The following LRRC15 variants were observed in gnomAD, a reference collection of about 807,000 sequenced individuals.
LRRC15 encodes the protein leucine-rich repeat-containing protein 15.
LRRC15 carries 5 observed loss-of-function variants against 4.3 expected under a neutral mutation model. That is an observed-to-expected ratio of 1.16 (90% CI 0.61 to 2.44). The LOEUF is 2.44. Among genes scored for constraint, LRRC15 ranks in the 30% most tolerant of loss-of-function variants. LRRC15 has a pLI of 0.01. For synonymous variants in LRRC15, 337 were observed against 323.2 expected, an observed-to-expected ratio of 1.04 and a Z score of -0.46; for missense variants, 769 against 747.0, an observed-to-expected ratio of 1.03 and a Z score of -0.34.
In LRRC15 at chr3:194,359,623, G is replaced by C. The variant is rs768312928; in HGVS notation, c.1421C>G (p.Pro474Arg). ...AGGCACCTCGGGGACATGGACGCTT[G>C]GAACAGCAACGTTGACATTGATGAT... The part of the protein sequence containing the change: ...LIIINVNVAV[P>R]SVHVPEVPSY... Residue 474 changes from proline to arginine, a missense_variant, in exon 2 of 2, where the codon CCA (proline) becomes CGA (arginine). Transcript: ENST00000347624. The C allele has an allele frequency of 3.1e-6, 5 of 1,613,788 alleles. No individual in the cohort carries two copies. In the African/African-American group the frequency reaches 6.7e-5, roughly 22 times the overall value.
At position 194,355,847 on chromosome 3, in the gene LRRC15, A is replaced by G. The variant is rs1379701525; in HGVS notation, c.*3451T>C. On this transcript the variant is annotated 3_prime_UTR_variant, in exon 2 of 2. Coordinates refer to ENST00000347624, the MANE Select transcript of LRRC15 (RefSeq NM_130830.5). The stretch of plus-strand genomic sequence containing the variant: ...TTCTAAGTAGAACTCTTGTATCTCT[A>G]AATTCTAAGGAGGAAGAACAATATA... 1 of 152,224 alleles carries G rather than the reference A, an allele frequency of 6.6e-6. No individual in the cohort carries two copies. Among genetic ancestry groups the G allele is most frequent in the Admixed American group, 6.5e-5 (1 of 15,284 alleles). The allele number at this position is 152,224 out of a possible 1,614,324, so 9.4% of individuals were successfully genotyped here.
At position 194,355,352 on chromosome 3, in the gene LRRC15, A is replaced by AGGC. The variant is rs1442982847; in HGVS notation, c.*3945_*3946insGCC. 3.9e-5 allele frequency: 6 copies of AGGC among 152,232 alleles called. No homozygotes were observed. In the South Asian group the frequency reaches 6.2e-4, roughly 16 times the overall value. The allele number at this position is 152,232 out of a possible 1,614,324, so 9.4% of individuals were successfully genotyped here. A position where few individuals can be genotyped will look rare whatever the true frequency, so the allele number is the denominator to read the frequency against. On this transcript the variant is annotated 3_prime_UTR_variant, in exon 2 of 2. Transcript: ENST00000347624. Reference sequence around the variant, plus strand: ...CCCTGCCCACCAGGGCTCACACTCTACAAAACCCTGAGGGCCTAGAAATCT... The same window carrying AGGC: ...CCCTGCCCACCAGGGCTCACACTCTAGGCCAAAACCCTGAGGGCCTAGAAATCT...
rs979990678 is a variant in LRRC15 at position 194,355,935 on chromosome 3, AT to A, written c.*3362del. ...TATTCTTTAAGGGATGGAAGAGTTTATTTTTTCCTGTGGTTACAAAGCTTTT... is the reference window on the plus strand; with the variant it reads ...TATTCTTTAAGGGATGGAAGAGTTTATTTTTCCTGTGGTTACAAAGCTTTT... On this transcript the variant is annotated 3_prime_UTR_variant, in exon 2 of 2. Coordinates refer to ENST00000347624, the MANE Select transcript of LRRC15 (RefSeq NM_130830.5). 6.6e-6 allele frequency: 1 copy of A among 152,194 alleles called. No individual in the cohort carries two copies. The highest frequency in any genetic ancestry group is 2.4e-5 in the African/African-American group (1 of 41,438). 9.4% of individuals were successfully genotyped at this position (152,194 alleles called of 1,614,324 possible).
In LRRC15 at chr3:194,360,424, T is replaced by TA. The variant is rs1312301206; in HGVS notation, c.619_620insT (p.Asn207IlefsTer12). 8 of 1,614,174 alleles carry TA rather than the reference T, an allele frequency of 5.0e-6. No individual in the cohort carries two copies. Among genetic ancestry groups the TA allele is most frequent in the Non-Finnish European group, 5.1e-6 (6 of 1,180,028 alleles). ...GCCCATGGGGATATCCGTGAGCCTGTTCTCATACAGCCGGAGGACCTGGAG... is the reference window on the plus strand; with the variant it reads ...GCCCATGGGGATATCCGTGAGCCTGTATCTCATACAGCCGGAGGACCTGGAG... On this transcript the variant is annotated frameshift_variant, in exon 2 of 2. Transcript: ENST00000347624. LOFTEE classifies it low-confidence loss of function (END_TRUNC).
At chr3:194,363,216 G>A (rs865938514) in intron 1 of LRRC15, 2 of 476,964 alleles carry the variant, frequency 4.2e-6, no homozygotes, top group Non-Finnish European at 7.8e-6. Flanking sequence ...TGGGATTACA[G>A]GCATGAGCCA....
intron 1 of LRRC15, among the ~76,000 whole-genome samples, chr3:194,362,830 G>C (rs981079345): frequency 6.6e-6 from 1 of 152,008 alleles, no homozygotes; most frequent in Non-Finnish European, 1.5e-5. Context: ...GAGTAACCCA[G>C]GCTTCCTAAT....
In LRRC15 at chr3:194,360,513, C is replaced by T; in HGVS notation, c.531G>A (p.Lys177=). The change falls in exon 2 of 2, where the codon AAG becomes AAA. Residue 177 remains lysine, a synonymous_variant. Coordinates refer to ENST00000347624, the MANE Select transcript of LRRC15 (RefSeq NM_130830.5). ...TGAGGCTATTCTTGCCCAGATTGAG[C>T]TTCGTGAGTCCTACCAGGTGGTCGA... The part of the protein sequence containing the change: ...GAFDHLVGLT[K]LNLGKNSLTH... 6.2e-7 allele frequency: 1 copy of T among 1,614,114 alleles called. No individual in the cohort carries two copies. Among genetic ancestry groups the T allele is most frequent in the Non-Finnish European group, 8.5e-7 (1 of 1,180,028 alleles).
At chr3:194,365,788 C>A (rs61456367) in intron 1 of LRRC15, among the ~76,000 whole-genome samples, 1 of 152,104 alleles carries the variant, frequency 6.6e-6, no homozygotes, top group Non-Finnish European at 1.5e-5. Flanking sequence ...CCACCTGCCT[C>A]CAAGTTTCCC....
rs972048833 is a variant in LRRC15 at position 194,358,381 on chromosome 3, T to A, written c.*917A>T. On this transcript the variant is annotated 3_prime_UTR_variant, in exon 2 of 2. Transcript: ENST00000347624. ...ACACTTCACATGCTTCAATTAAAAA[T>A]TTTAAAACAAACTCTAGGGGTGAAC... The A allele has an allele frequency of 6.6e-6, 1 of 152,224 alleles. No individual in the cohort carries two copies. The highest frequency in any genetic ancestry group is 2.4e-5 in the African/African-American group (1 of 41,452). 9.4% of individuals were successfully genotyped at this position (152,224 alleles called of 1,614,324 possible).
At position 194,360,427 on chromosome 3, in the gene LRRC15, TCATA is replaced by T. The variant is rs1560045407; in HGVS notation, c.613_616del (p.Tyr205ArgfsTer76). ...CATGGGGATATCCGTGAGCCTGTTCTCATACAGCCGGAGGACCTGGAGGTTGCCC... is the reference window on the plus strand; with the variant it reads ...CATGGGGATATCCGTGAGCCTGTTCTCAGCCGGAGGACCTGGAGGTTGCCC... On this transcript the variant is annotated frameshift_variant, in exon 2 of 2. Transcript: ENST00000347624. LOFTEE classifies it low-confidence loss of function (END_TRUNC). The T allele has an allele frequency of 6.2e-7, 1 of 1,614,146 alleles. No individual in the cohort carries two copies. The highest frequency in any genetic ancestry group is 1.1e-5 in the South Asian group (1 of 91,086).
chr3:194,362,772 T>C (rs1299645796), intron 1 of LRRC15, among the ~76,000 whole-genome samples: 4 of 152,132 alleles, frequency 2.6e-5, no homozygotes, highest in Non-Finnish European at 5.9e-5. Flanking sequence ...CTCTGGTCTC[T>C]GTCTGTGGCT....
In LRRC15 at chr3:194,355,634, A is replaced by G. The variant is rs1374116311; in HGVS notation, c.*3664T>C. 6.6e-6 allele frequency: 1 copy of G among 152,194 alleles called. No homozygotes were observed. Among genetic ancestry groups the G allele is most frequent in the African/African-American group, 2.4e-5 (1 of 41,436 alleles). The allele number at this position is 152,194 out of a possible 1,614,324, so 9.4% of individuals were successfully genotyped here. A position where few individuals can be genotyped will look rare whatever the true frequency, so the allele number is the denominator to read the frequency against. On this transcript the variant is annotated 3_prime_UTR_variant, in exon 2 of 2. Coordinates refer to ENST00000347624, the MANE Select transcript of LRRC15 (RefSeq NM_130830.5). ...ACGCAGATTCAGTTCTGACTGTGGGATCTGGGGGCTGAATCTTTGAGTGGT... is the reference window on the plus strand; with the variant it reads ...ACGCAGATTCAGTTCTGACTGTGGGGTCTGGGGGCTGAATCTTTGAGTGGT...
At chr3:194,362,874 C>T (rs1369310131) in intron 1 of LRRC15, among the ~76,000 whole-genome samples, 1 of 152,040 alleles carries the variant, frequency 6.6e-6, no homozygotes, top group Non-Finnish European at 1.5e-5. Flanking sequence ...TTCCCTGCCC[C>T]CTCAACAAGC....
chr3:194,361,089 C>A (rs748495057), intron 1 of LRRC15, 43 bp from the exon 2 acceptor site: 1 of 1,453,230 alleles, frequency 6.9e-7, no homozygotes, highest in Admixed American at 2.6e-5. Context: ...GGTCCTCTAC[C>A]TGACACTGGC....
chr3:194,361,040 G>T lies in LRRC15; in HGVS notation c.4C>A (p.Pro2Thr). The T allele has an allele frequency of 6.6e-7, 1 of 1,505,850 alleles. No homozygotes were observed. Among genetic ancestry groups the T allele is most frequent in the Non-Finnish European group, 8.8e-7 (1 of 1,134,226 alleles). 93.3% of individuals were successfully genotyped at this position (1,505,850 alleles called of 1,614,324 possible). The change falls in exon 2 of 2, where the codon CCA becomes ACA. Residue 2 changes from proline to threonine, a missense_variant. By Grantham distance (38) the Pro-to-Thr change is conservative (BLOSUM62 -1). Coordinates refer to ENST00000347624, the MANE Select transcript of LRRC15 (RefSeq NM_130830.5). ...AGCAAAAGGAGATAATGCTTCAGTG[G>T]CATAGCCTGTGCAAGGGGAGAGAGC... M[P>T]LKHYLLLLVG... is the part of the protein sequence containing the mutation.
intron 1 of LRRC15, among the ~76,000 whole-genome samples, chr3:194,364,348 A>C (rs540169671): frequency 1.3e-5 from 2 of 152,282 alleles, no homozygotes; most frequent in African/African-American, 2.4e-5. Context: ...GCTGACGTGC[A>C]AAAGGTGGAG....
At chr3:194,365,443 G>A (rs1713750012) in intron 1 of LRRC15, among the ~76,000 whole-genome samples, 1 of 152,200 alleles carries the variant, frequency 6.6e-6, no homozygotes, top group Non-Finnish European at 1.5e-5. Flanking sequence ...TGAACACGAG[G>A]TTTCCTGGAA....
Position 194,357,508 on chromosome 3 carries a change from A to T in LRRC15, c.*1790T>A, listed in dbSNP as rs576539807. 24 of 152,300 alleles carry T rather than the reference A, an allele frequency of 1.6e-4. No homozygotes were observed. Among genetic ancestry groups the T allele is most frequent in the African/African-American group, 4.3e-4 (18 of 41,560 alleles). 9.4% of individuals were successfully genotyped at this position (152,300 alleles called of 1,614,324 possible). On this transcript the variant is annotated 3_prime_UTR_variant, in exon 2 of 2. Transcript: ENST00000347624. ...AACTGGGCCAGTTGTCCAGAGAAAG[A>T]CACACGTTGCCATGAGCCTAACTTC...
At position 194,367,697 on chromosome 3, in the gene LRRC15, C is replaced by T. The variant is rs112033618; in HGVS notation, c.-4+1964G>A. Among the ~76,000 whole-genome samples, 1,211 of 152,350 alleles carry T rather than the reference C, an allele frequency of 7.9e-3. 22 individuals carry two copies. Among genetic ancestry groups the T allele is most frequent in the African/African-American group, 0.027 (1,141 of 41,568 alleles). ...GACCTGGGGCCAAGGTCACAGGCCCCTGATTTGGGAATACTCCACCCCAAA... is the reference window on the plus strand; with the variant it reads ...GACCTGGGGCCAAGGTCACAGGCCCTTGATTTGGGAATACTCCACCCCAAA... On this transcript the variant is annotated intron_variant, in intron 1 of 1. Coordinates refer to ENST00000347624, the MANE Select transcript of LRRC15 (RefSeq NM_130830.5).
Sources: gnomAD v4.1 joint callset for allele counts (sites outside exome capture counted in the v4.1 genomes callset) on GRCh38, gnomAD v4.1.1 for gene constraint, MANE v1.5 for transcripts, NCBI Gene and HGNC (gene_info 2026-07-23, HGNC 2026-07-21) for gene names.